Variants in AK9 observed in about 807,000 individuals in gnomAD.
AK9 encodes the protein adenylate kinase 9.
In AK9, 191 loss-of-function variants were observed where a neutral mutation model predicts 239.6. The ratio of observed to expected loss-of-function variants is 0.80; its 90% CI spans 0.71 to 0.90. The LOEUF is 0.90. Among genes scored for constraint, AK9 ranks in the 40% least tolerant of loss-of-function variants. The pLI, the probability that AK9 is intolerant of heterozygous loss-of-function variation, is 0.00. For missense variants in AK9, 1,995 were observed against 2,214.7 expected, an observed-to-expected ratio of 0.90 and a Z score of 1.99; for synonymous variants, 689 against 721.0, an observed-to-expected ratio of 0.96 and a Z score of 0.71.
intron 1 of AK9, among the ~76,000 whole-genome samples, chr6:109,684,786 A>C (rs1773228787): frequency 7.4e-6 from 1 of 134,938 alleles, no homozygotes. Flanking sequence ...AGGCAGGAGA[A>C]TGGCGTGAAC....
At chr6:109,657,711 C>A (rs1048565449) in intron 7 of AK9, among the ~76,000 whole-genome samples, 3 of 152,112 alleles carry the variant, frequency 2.0e-5, no homozygotes, top group African/African-American at 7.2e-5. Flanking sequence ...CCCCCTACCC[C>A]CTGACAGGCT....
At chr6:109,632,865 A>G in intron 12 of AK9, 58 bp downstream of exon 12, 1 of 1,319,216 alleles carries the variant, frequency 7.6e-7, no homozygotes, top group Non-Finnish European at 1.0e-6. Flanking sequence ...AGATAGACAT[A>G]GATAGATAGA....
At chr6:109,605,017 C>A (rs192384717) in intron 17 of AK9, among the ~76,000 whole-genome samples, 7 of 152,008 alleles carry the variant, frequency 4.6e-5, no homozygotes, top group Admixed American at 2.0e-4. Context: ...AGATTATTTT[C>A]TTGGATATTT....
chr6:109,644,508 G>T, intron 9 of AK9, 106 bp downstream of exon 9: 1 of 916,688 alleles, frequency 1.1e-6, no homozygotes, highest in East Asian at 2.7e-5. Context: ...AAAGATAAAT[G>T]GTGTTCAAAT....
At chr6:109,632,015 TTGTG>T (rs1796134255) in intron 12 of AK9, 1 of 306,228 alleles carries the variant, frequency 3.3e-6, no homozygotes, top group East Asian at 1.7e-4. Context: ...GTGGTTACCT[TTGTG>T]TGGAGAGTGA....
chr6:109,588,332 G>C (rs918038867), intron 17 of AK9, among the ~76,000 whole-genome samples: 4 of 152,066 alleles, frequency 2.6e-5, no homozygotes, highest in African/African-American at 9.7e-5. Flanking sequence ...GCCTCCCAAA[G>C]TGCTGGGATT....
chr6:109,625,763 T>C (rs950550497), intron 12 of AK9, among the ~76,000 whole-genome samples: 5 of 152,214 alleles, frequency 3.3e-5, no homozygotes, highest in African/African-American at 9.6e-5. Context: ...CTTTTGGGGT[T>C]TTCACCATTA....
intron 19 of AK9, among the ~76,000 whole-genome samples, chr6:109,584,359 T>C (rs748858446): frequency 1.3e-5 from 2 of 152,088 alleles, no homozygotes; most frequent in African/African-American, 4.8e-5. Context: ...CCATCATCAA[T>C]AGTAGGAAGT....
At chr6:109,682,706 C>T (rs1207319066) in intron 1 of AK9, among the ~76,000 whole-genome samples, 2 of 151,930 alleles carry the variant, frequency 1.3e-5, no homozygotes, top group South Asian at 2.1e-4. Context: ...CAGGAAAAAT[C>T]GAATCCCTGA....
In AK9 at chr6:109,544,255, T is replaced by C. The variant is rs574543336; in HGVS notation, c.3225+1612A>G. Reference sequence around the variant, plus strand: ...GGATCATTTGAGAACAAATGGCCTATCTATATCAGAAATGGTTAAAATGTG... The same window carrying C: ...GGATCATTTGAGAACAAATGGCCTACCTATATCAGAAATGGTTAAAATGTG... On this transcript the variant is annotated intron_variant, in intron 26 of 40. Transcript: ENST00000424296. Among the ~76,000 whole-genome samples the C allele has an allele frequency of 1.5e-4, 23 of 152,340 alleles. No homozygotes were observed. The South Asian group carries it at 2.7e-3, about 18-fold the overall frequency.
rs1389084675 is a variant in AK9 at position 109,545,981 on chromosome 6, T to C, written c.3111A>G (p.Lys1037=). ...QEKLLLKTEK[K]VGPEFEEDSE... The stretch of plus-strand genomic sequence containing the variant: ...AATCTTCCTCAAATTCAGGTCCCAC[T>C]TTCTTTTCAGTTTTGAGTAGTAGTT... Residue 1037 remains lysine (K), a synonymous_variant, in exon 26 of 41, where the codon AAA becomes AAG. Transcript: ENST00000424296. The C allele has an allele frequency of 6.2e-7, 1 of 1,614,248 alleles. No individual in the cohort carries two copies. The highest frequency in any genetic ancestry group is 8.5e-7 in the Non-Finnish European group (1 of 1,180,038).
chr6:109,497,737 T>C, intron 37 of AK9, 59 bp downstream of exon 37: 3 of 1,558,314 alleles, frequency 1.9e-6, no homozygotes, highest in South Asian at 1.2e-5. Context: ...GATTATTACA[T>C]GAACCACTTC....
Position 109,616,101 on chromosome 6 carries a change from T to C in AK9, c.1400-1621A>G, listed in dbSNP as rs903129690. 2.0e-5 allele frequency among the ~76,000 whole-genome samples: 3 copies of C among 152,134 alleles called. No individual in the cohort carries two copies. The South Asian group carries it at 6.2e-4, about 32-fold the overall frequency. On this transcript the variant is annotated intron_variant, in intron 13 of 40. Transcript: ENST00000424296. Reference sequence around the variant, plus strand: ...GAAAAAAAAAAATCACAACCACTATTTGACATTAATTGCTTACCTACATAA... The same window carrying C: ...GAAAAAAAAAAATCACAACCACTATCTGACATTAATTGCTTACCTACATAA...
At position 109,542,132 on chromosome 6, in the gene AK9, T is replaced by G; in HGVS notation, c.3265A>C (p.Lys1089Gln). The G allele has an allele frequency of 6.2e-7, 1 of 1,605,384 alleles. No homozygotes were observed. The highest frequency in any genetic ancestry group is 8.5e-7 in the Non-Finnish European group (1 of 1,175,944). Reference sequence around the variant, plus strand: ...GGCTCATTTTCCATTAGACTTGATTTGATTACTTCTTCTTCTTCTGTAAGT... The same window carrying G: ...GGCTCATTTTCCATTAGACTTGATTGGATTACTTCTTCTTCTTCTGTAAGT... The part of the protein sequence containing the change: ...VQLTEEEEVI[K>Q]SSLMENEPLP... The change falls in exon 27 of 41, where the codon AAA becomes CAA. Residue 1089 changes from lysine (K) to glutamine (Q), a missense_variant. Physicochemically the swap from Lys to Gln is moderately conservative, Grantham distance 53. Coordinates refer to ENST00000424296, the MANE Select transcript of AK9 (RefSeq NM_001145128.3).
In AK9 at chr6:109,645,467, G is replaced by A. The variant is rs901695356; in HGVS notation, c.760-779C>T. Among the ~76,000 whole-genome samples, 64 of 152,340 alleles carry A rather than the reference G, an allele frequency of 4.2e-4. 1 individual carries two copies. The highest frequency in any genetic ancestry group is 1.5e-3 in the African/African-American group (63 of 41,588). ...AGCCTTGCTCACTGCTAGCACAGCA[G>A]TCCAAGATCCAACTGCGAGGCAGCA... On this transcript the variant is annotated intron_variant, in intron 8 of 40. Transcript: ENST00000424296.
chr6:109,498,951 A>G (rs1006034024), intron 36 of AK9, 93 bp downstream of exon 36: 158 of 1,151,944 alleles, frequency 1.4e-4, no homozygotes, highest in Admixed American at 1.9e-4. Context: ...TCCTAGTCCC[A>G]AGTTTCTGGG....
chr6:109,533,177 G>T, intron 28 of AK9, 74 bp downstream of exon 28: 1 of 1,131,700 alleles, frequency 8.8e-7, no homozygotes. Flanking sequence ...TATTTTTTGT[G>T]AAGATCACTT....
intron 27 of AK9, among the ~76,000 whole-genome samples, chr6:109,534,621 C>CT (rs899673263): frequency 6.6e-5 from 10 of 151,572 alleles, no homozygotes; most frequent in South Asian, 4.2e-4. Context: ...TTTAATTATA[C>CT]TTTAAGTTCT....
intron 17 of AK9, among the ~76,000 whole-genome samples, chr6:109,589,273 C>T (rs754654457): frequency 1.3e-5 from 2 of 152,030 alleles, no homozygotes; most frequent in Non-Finnish European, 2.9e-5. Context: ...TTGTAGTTCT[C>T]CTTGTAGAGA....
Sources: gnomAD v4.1 joint callset for allele counts (sites outside exome capture counted in the v4.1 genomes callset) on GRCh38, gnomAD v4.1.1 for gene constraint, MANE v1.5 for transcripts, NCBI Gene and HGNC (gene_info 2026-07-23, HGNC 2026-07-21) for gene names.